SYTL3: variants seen among roughly 807,000 people sequenced by gnomAD.
SYTL3 encodes the protein synaptotagmin like 3.
A neutral mutation model predicts 82.1 loss-of-function variants in SYTL3; 88 were observed. The ratio of observed to expected loss-of-function variants is 1.07; its 90% confidence interval spans 0.90 to 1.28. The LOEUF (loss-of-function observed/expected upper bound fraction) is 1.28. Ranked by LOEUF, SYTL3 falls within the 50% of genes most tolerant of loss-of-function variation. The pLI, the probability that SYTL3 is intolerant of heterozygous loss-of-function variation, is 0.00. For missense variants in SYTL3, 831 were observed against 757.6 expected, an observed-to-expected ratio of 1.10 and a Z score of -1.14; for synonymous variants, 311 against 289.4, an observed-to-expected ratio of 1.07 and a Z score of -0.76.
intron 6 of SYTL3, among the ~76,000 whole-genome samples, chr6:158,699,862 G>A (rs1202049471): frequency 4.0e-5 from 6 of 151,898 alleles, no homozygotes; most frequent in Non-Finnish European, 7.4e-5. Flanking sequence ...TAGAAGAATC[G>A]CTTGAACCAG....
chr6:158,746,461 A>G (rs1787675879), intron 12 of SYTL3, among the ~76,000 whole-genome samples: 1 of 146,200 alleles, frequency 6.8e-6, no homozygotes. Context: ...TAATAATAAT[A>G]TTATTATTAT....
intron 6 of SYTL3, among the ~76,000 whole-genome samples, chr6:158,704,896 G>A (rs1486532723): frequency 6.1e-4 from 42 of 68,630 alleles, no homozygotes; most frequent in Non-Finnish European, 7.9e-4. Context: ...GCCACATAGG[G>A]CAGGAGGGAC....
intron 2 of SYTL3, among the ~76,000 whole-genome samples, chr6:158,653,615 C>T (rs1200675755): frequency 6.6e-6 from 1 of 152,178 alleles, no homozygotes; most frequent in Non-Finnish European, 1.5e-5. Flanking sequence ...AGGCAGAAAG[C>T]ATGGTGGCTG....
chr6:158,700,623 T>G (rs1443697867), intron 6 of SYTL3, among the ~76,000 whole-genome samples: 1 of 152,104 alleles, frequency 6.6e-6, no homozygotes. Flanking sequence ...TATGTATGTA[T>G]GTATGTATTT....
chr6:158,720,302 G>A (rs910366681), intron 10 of SYTL3, among the ~76,000 whole-genome samples: 2 of 150,616 alleles, frequency 1.3e-5, no homozygotes, highest in Non-Finnish European at 2.9e-5. Flanking sequence ...TCAGGAGGCC[G>A]AGGCAGGAGA....
intron 11 of SYTL3, among the ~76,000 whole-genome samples, chr6:158,745,009 G>A (rs747489443): frequency 3.8e-4 from 58 of 152,236 alleles, no homozygotes; most frequent in Middle Eastern, 6.8e-3. Context: ...AGATCAGTAT[G>A]GTTTTTTCCA....
chr6:158,665,154 G>C (rs947589879), intron 4 of SYTL3, among the ~76,000 whole-genome samples: 4 of 152,134 alleles, frequency 2.6e-5, no homozygotes, highest in Non-Finnish European at 5.9e-5. Flanking sequence ...TTGCCATTTA[G>C]TCCTCACAGC....
chr6:158,668,525 G>A (rs536743505), intron 5 of SYTL3, among the ~76,000 whole-genome samples: 15 of 149,812 alleles, frequency 1.0e-4, no homozygotes, highest in African/African-American at 2.8e-4. Flanking sequence ...CACTGCGCCC[G>A]GCCGGCAGAG....
intron 6 of SYTL3, among the ~76,000 whole-genome samples, chr6:158,693,865 T>C (rs9457433): frequency 1.3e-3 from 60 of 48,000 alleles, no homozygotes; most frequent in Admixed American, 1.4e-3. Context: ...CTTTTTTTTT[T>C]TTTTTTTTGT....
intron 12 of SYTL3, among the ~76,000 whole-genome samples, chr6:158,751,457 C>T (rs1231148440): frequency 1.3e-5 from 2 of 152,212 alleles, no homozygotes; most frequent in Non-Finnish European, 2.9e-5. Context: ...AATCCCACTT[C>T]TCAGCGGTTG....
At chr6:158,702,553 G>T (rs368495053) in intron 6 of SYTL3, among the ~76,000 whole-genome samples, 6 of 146,436 alleles carry the variant, frequency 4.1e-5, no homozygotes, top group African/African-American at 8.2e-5. Flanking sequence ...AAAACAAGAG[G>T]GGGGGAAAAG....
At chr6:158,739,933 C>A (rs1786709293) in intron 11 of SYTL3, among the ~76,000 whole-genome samples, 1 of 149,888 alleles carries the variant, frequency 6.7e-6, no homozygotes, top group Non-Finnish European at 1.5e-5. Flanking sequence ...TTAGTCTGAT[C>A]TTATGTTAAT....
intron 2 of SYTL3, among the ~76,000 whole-genome samples, chr6:158,653,016 T>C (rs948493128): frequency 6.6e-6 from 1 of 152,202 alleles, no homozygotes; most frequent in African/African-American, 2.4e-5. Flanking sequence ...AACCCACCTC[T>C]GAATGAGTAA....
intron 6 of SYTL3, among the ~76,000 whole-genome samples, chr6:158,693,212 C>T (rs1407865620): frequency 6.6e-6 from 1 of 152,194 alleles, no homozygotes; most frequent in Non-Finnish European, 1.5e-5. Context: ...AAAAATTTTA[C>T]ATAGACTTTT....
chr6:158,700,766 G>A (rs1005661171), intron 6 of SYTL3, among the ~76,000 whole-genome samples: 3 of 152,158 alleles, frequency 2.0e-5, no homozygotes, highest in South Asian at 2.1e-4. Context: ...ACAGGTGCCC[G>A]CCACCACGGC....
At chr6:158,671,770 A>G (rs1391055891) in intron 5 of SYTL3, among the ~76,000 whole-genome samples, 2 of 151,306 alleles carry the variant, frequency 1.3e-5, no homozygotes, top group East Asian at 3.9e-4. Flanking sequence ...TAAATTATTT[A>G]GCCAATCATT....
At chr6:158,685,820 A>G (rs530610088) in intron 6 of SYTL3, among the ~76,000 whole-genome samples, 95 of 152,272 alleles carry the variant, frequency 6.2e-4, no homozygotes, top group African/African-American at 2.2e-3. Flanking sequence ...CTCCATCTCA[A>G]AAACAAACAA....
At chr6:158,726,998 C>T (rs1047713663) in intron 11 of SYTL3, among the ~76,000 whole-genome samples, 4 of 151,632 alleles carry the variant, frequency 2.6e-5, no homozygotes, top group Admixed American at 6.6e-5. Flanking sequence ...TACAGGCGCC[C>T]GCCACCACAC....
intron 6 of SYTL3, among the ~76,000 whole-genome samples, chr6:158,690,915 C>G (rs1475384683): frequency 6.6e-6 from 1 of 152,164 alleles, no homozygotes; most frequent in Non-Finnish European, 1.5e-5. Context: ...CATCCACGGG[C>G]ATTTGGCAAT....
Sources: gnomAD v4.1 joint callset for allele counts (sites outside exome capture counted in the v4.1 genomes callset) on GRCh38, gnomAD v4.1.1 for gene constraint, MANE v1.5 for transcripts, NCBI Gene and HGNC (gene_info 2026-07-23, HGNC 2026-07-21) for gene names.